Variants in MIB2 observed in about 807,000 individuals in gnomAD.
MIB2 encodes the protein E3 ubiquitin-protein ligase MIB2.
Under a neutral mutation model 96.6 loss-of-function variants are expected in MIB2, and 78 were observed. The observed-to-expected ratio is 0.81, with a 90% confidence interval of 0.67 to 0.97. MIB2 has a LOEUF of 0.97. Ranked by LOEUF, MIB2 falls within the 50% of genes least tolerant of loss-of-function variation. The pLI is 0.00. For synonymous variants in MIB2, 820 were observed against 629.5 expected (o/e 1.30, Z -4.53); for missense variants, 1,543 against 1,424.0 (o/e 1.08, Z -1.35).
In MIB2 at chr1:1,627,015, G is replaced by C; in HGVS notation, c.1240+16G>C. 1 of 1,608,598 alleles carries C rather than the reference G, an allele frequency of 6.2e-7. No individual in the cohort carries two copies. The highest frequency in any genetic ancestry group is 8.5e-7 in the Non-Finnish European group (1 of 1,178,120). Reference sequence around the variant, plus strand: ...GAGAACAAAAGTGCGGCACAGCTCAGGCGGCCAGTGGGAGGTGGGGCTGCC... The same window carrying C: ...GAGAACAAAAGTGCGGCACAGCTCACGCGGCCAGTGGGAGGTGGGGCTGCC... On this transcript the variant is annotated intron_variant, in intron 10 of 19. Coordinates refer to ENST00000355826, the MANE Select transcript of MIB2 (RefSeq NM_001170687.4).
Position 1,626,767 on chromosome 1 carries a change from G to T in MIB2, c.1077+13G>T. On this transcript the variant is annotated intron_variant, in intron 9 of 19. Coordinates refer to ENST00000355826, the MANE Select transcript of MIB2 (RefSeq NM_001170687.4). The surrounding 1 kb of genome is among the most constrained non-coding windows in gnomAD (Gnocchi z 5.3). ...CGACATGGCCCCTGTGAGTCCCCCT[G>T]CCACCCCCGCCGCTAGCGCCGCTGC... The T allele has an allele frequency of 1.3e-6, 2 of 1,537,524 alleles. No homozygotes were observed. Among genetic ancestry groups the T allele is most frequent in the Admixed American group, 1.9e-5 (1 of 52,406 alleles).
In MIB2 at chr1:1,615,553, C is replaced by T; in HGVS notation, c.-210C>T. The T allele has an allele frequency of 6.5e-7, 1 of 1,537,064 alleles. No individual in the cohort carries two copies. The highest frequency in any genetic ancestry group is 8.7e-7 in the Non-Finnish European group (1 of 1,146,212). Reference sequence around the variant, plus strand: ...CCGCTCTCCTCAGTGCCCGGTGGCCCAGGAGGGCCTGGGAGCCCGAAGCCG... The same window carrying T: ...CCGCTCTCCTCAGTGCCCGGTGGCCTAGGAGGGCCTGGGAGCCCGAAGCCG... On this transcript the variant is annotated 5_prime_UTR_variant, in exon 1 of 20. Transcript: ENST00000355826.
rs758253198 is a variant in MIB2, at chr1:1,624,824, C to G, written c.449C>G (p.Pro150Arg). 41 of 1,612,914 alleles carry G rather than the reference C, an allele frequency of 2.5e-5. No individual in the cohort carries two copies. The highest frequency in any genetic ancestry group is 3.4e-5 in the Non-Finnish European group (40 of 1,179,988). Residue 150 changes from proline (P) to arginine (R), a missense_variant, in exon 5 of 20, where the codon CCG becomes CGG. Physicochemically the swap from Pro to Arg is moderately radical, Grantham distance 103. Transcript: ENST00000355826. ...ACACTGAGTCCCCGCCAGGGCCTCC[C>G]GAGGATCCCACTAAGGGGCATCTTC... ...PVTLSPRQGL[P>R]RIPLRGIFQG...
chr1:1,626,470 C>T lies in MIB2; in HGVS notation c.973-180C>T, dbSNP rs1459848674. 2 of 594,862 alleles carry T rather than the reference C, an allele frequency of 3.4e-6. No individual in the cohort carries two copies. The highest frequency in any genetic ancestry group is 5.7e-5 in the East Asian group (2 of 35,020). 36.8% of individuals were successfully genotyped at this position (594,862 alleles called of 1,614,324 possible). ...TGGGGCTAGGGACACCCAGGGCTGC[C>T]TTGGACACCTGGGGCTCTCGTCCAG... On this transcript the variant is annotated intron_variant, in intron 8 of 19. Transcript: ENST00000355826. This position sits in a 1 kb window ranked among gnomAD's most constrained non-coding sequence, Gnocchi z 5.3.
Position 1,629,266 on chromosome 1 carries a change from A to G in MIB2, c.2336A>G (p.Glu779Gly). 8 of 1,545,112 alleles carry G rather than the reference A, an allele frequency of 5.2e-6. No homozygotes were observed. The highest frequency in any genetic ancestry group is 6.9e-6 in the Non-Finnish European group (8 of 1,157,314). The change falls in exon 17 of 20, where the codon GAG (glutamate) becomes GGG (glycine). Residue 779 changes from glutamate to glycine, a missense_variant. By Grantham distance (98) the Glu-to-Gly change is moderately conservative. Transcript: ENST00000355826. Reference protein sequence around the residue: ...RGRSPLDLAAEGRVLKALQGC... With the variant: ...RGRSPLDLAAGGRVLKALQGC... ...CGGAGCCCGCTGGACCTGGCCGCCG[A>G]GGGTCGCGTGCTCAAGGCCCTTCAG...
At chr1:1,615,486 G>C, upstream of MIB2, 4 of 1,525,324 alleles carry the variant, frequency 2.6e-6, no homozygotes, top group Non-Finnish European at 3.5e-6. Context: ...GGCGGGGGCG[G>C]GCCCTGGGCT....
At chr1:1,615,683 G>A (rs1477922387) in intron 1 of MIB2, 50 bp downstream of exon 1, 1 of 1,531,326 alleles carries the variant, frequency 6.5e-7, no homozygotes, top group South Asian at 1.2e-5. Context: ...CCGTCCCCGA[G>A]TCGTTCTCCG....
At chr1:1,615,759 C>A (rs1233393304) in intron 1 of MIB2, 126 bp downstream of exon 1, 16 of 1,438,162 alleles carry the variant, frequency 1.1e-5, no homozygotes, top group Non-Finnish European at 1.4e-5. Flanking sequence ...GGGCTGGACT[C>A]GGCGTAGGGT....
chr1:1,629,846 C>CCCCCCAGCCCCCAG (rs1390320718), intron 19 of MIB2, 142 bp downstream of exon 19: 11 of 880,436 alleles, frequency 1.2e-5, no homozygotes, highest in African/African-American at 9.9e-5. Context: ...TCACACCCGG[C>CCCCCCAGCCCCCAG]CCCCCAGCCC....
In MIB2 at chr1:1,625,018, T is replaced by G; in HGVS notation, c.554T>G (p.Val185Gly). 1.2e-6 allele frequency: 2 copies of G among 1,612,670 alleles called. No individual in the cohort carries two copies. The highest frequency in any genetic ancestry group is 1.7e-6 in the Non-Finnish European group (2 of 1,179,730). The change falls in exon 6 of 20, where the codon GTG becomes GGG. Residue 185 changes from valine (V) to glycine (G), a missense_variant. By Grantham distance (109) the Val-to-Gly change is moderately radical. Coordinates refer to ENST00000355826, the MANE Select transcript of MIB2 (RefSeq NM_001170687.4). This position sits in a 1 kb window ranked among gnomAD's most constrained non-coding sequence, Gnocchi z 5.0. Reference protein sequence around the residue: ...DGGEGKPGRVVDIRGWDVETG... With the variant: ...DGGEGKPGRVGDIRGWDVETG... ...GGGGAAGGGAAACCGGGCCGTGTGGTGGACATCCGTGGCTGGGATGTGGAG... is the reference window on the plus strand; with the variant it reads ...GGGGAAGGGAAACCGGGCCGTGTGGGGGACATCCGTGGCTGGGATGTGGAG...
intron 2 of MIB2, 168 bp downstream of exon 2, chr1:1,616,782 G>T: frequency 1.7e-6 from 1 of 572,618 alleles, no homozygotes; most frequent in Non-Finnish European, 3.1e-6. Context: ...ACCCATGGAG[G>T]AAGAAAGCAG....
At position 1,629,035 on chromosome 1, in the gene MIB2, C is replaced by T. The variant is rs542207950; in HGVS notation, c.2203-98C>T. On this transcript the variant is annotated intron_variant, in intron 16 of 19. Transcript: ENST00000355826. ...AGGTGCCCTTGCCTTGTATTTTAGA[C>T]ATGGGGCGCCGGCTGCTGGGGCTGC... 1.6e-5 allele frequency: 20 copies of T among 1,264,566 alleles called. No homozygotes were observed. The Admixed American group carries it at 2.6e-4, about 16-fold the overall frequency. 78.3% of individuals were successfully genotyped at this position (1,264,566 alleles called of 1,614,324 possible).
intron 12 of MIB2, 105 bp downstream of exon 12, chr1:1,627,549 G>A: frequency 6.9e-7 from 1 of 1,457,572 alleles, no homozygotes; most frequent in Non-Finnish European, 9.0e-7. Flanking sequence ...GTCCTGGGGT[G>A]AGGCCTGGGA....
chr1:1,628,373 G>A lies in MIB2; in HGVS notation c.1942G>A (p.Glu648Lys), dbSNP rs758157881. ...TCTGGCTGCCCTCAACAACCACCGCGAGGTGGCCCAGATCCTCATCCGGGA... is the reference window on the plus strand; with the variant it reads ...TCTGGCTGCCCTCAACAACCACCGCAAGGTGGCCCAGATCCTCATCCGGGA... ...LHLAALNNHR[E>K]VAQILIREGR... Residue 648 changes from glutamate (E) to lysine (K), a missense_variant, in exon 15 of 20, where the codon GAG (glutamate) becomes AAG (lysine). Transcript: ENST00000355826. The A allele has an allele frequency of 1.2e-6, 2 of 1,612,576 alleles. No individual in the cohort carries two copies. The highest frequency in any genetic ancestry group is 8.5e-7 in the Non-Finnish European group (1 of 1,179,872).
In MIB2 at chr1:1,625,363, C is replaced by A; in HGVS notation, c.799C>A (p.Leu267Met). The A allele has an allele frequency of 6.3e-7, 1 of 1,587,874 alleles. No individual in the cohort carries two copies. Among genetic ancestry groups the A allele is most frequent in the Non-Finnish European group, 8.6e-7 (1 of 1,167,950 alleles). ...GCACGGGGACAAGGTCAAGTGTCTG[C>A]TGGACACTGATGTCCTGCGGGAGAT... ...FQHGDKVKCL[L>M]DTDVLREMQE... The change falls in exon 7 of 20, where the codon CTG (leucine) becomes ATG (methionine). Residue 267 changes from leucine to methionine, a missense_variant. Transcript: ENST00000355826. This position sits in a 1 kb window ranked among gnomAD's most constrained non-coding sequence, Gnocchi z 5.0.
At position 1,627,186 on chromosome 1, in the gene MIB2, G is replaced by A. The variant is rs1434922652; in HGVS notation, c.1353G>A (p.Leu451=). The A allele has an allele frequency of 8.8e-6, 14 of 1,596,562 alleles. No individual in the cohort carries two copies. The highest frequency in any genetic ancestry group is 1.0e-5 in the Non-Finnish European group (12 of 1,172,130). Residue 451 remains leucine (L), a synonymous_variant, in exon 11 of 20, where the codon CTG becomes CTA. Transcript: ENST00000355826. ...ALGNAARALD[L]LRRRPEQVDT... ...GTAACGCAGCCCGGGCTCTGGACCT[G>A]CTGCGGAGGCGCCCAGAGCAGGCAA...
At chr1:1,620,398 G>A (rs983980545) in intron 2 of MIB2, among the ~76,000 whole-genome samples, 1 of 152,236 alleles carries the variant, frequency 6.6e-6, no homozygotes, top group African/African-American at 2.4e-5. Flanking sequence ...CCTCCAGTCG[G>A]TTCTGCGGCT....
At chr1:1,616,641 A>G in intron 2 of MIB2, 27 bp downstream of exon 2, 1 of 1,545,384 alleles carries the variant, frequency 6.5e-7, no homozygotes, top group Non-Finnish European at 8.8e-7. Context: ...CCGCGGCCTG[A>G]TAGTTTGCAC....
At position 1,625,464 on chromosome 1, in the gene MIB2, C is replaced by T. The variant is rs72897888; in HGVS notation, c.864+36C>T. ...CCGCCGTGGAGCCCTGTGTGCCCTG[C>T]CCTCCCAGCCCTCCGCCCCCTCAGC... On this transcript the variant is annotated intron_variant, in intron 7 of 19. Transcript: ENST00000355826. This position sits in a 1 kb window ranked among gnomAD's most constrained non-coding sequence, Gnocchi z 5.0. The T allele has an allele frequency of 4.0e-3, 6,149 of 1,555,522 alleles. 220 individuals carry two copies. In the African/African-American group the frequency reaches 0.074, roughly 19 times the overall value.
Sources: allele counts gnomAD v4.1 joint callset (sites outside exome capture counted in the v4.1 genomes callset), GRCh38; gene constraint gnomAD v4.1.1; non-coding constraint Gnocchi (gnomAD v3.1); transcripts MANE v1.5; gene names NCBI Gene and HGNC (gene_info 2026-07-23, HGNC 2026-07-21).